The following MROH2A variants were observed in gnomAD, a reference collection of about 807,000 sequenced individuals.
MROH2A encodes maestro heat-like repeat-containing protein family member 2A.
Under a neutral mutation model 200.4 loss-of-function variants are expected in MROH2A, and 174 were observed. The ratio of observed to expected loss-of-function variants is 0.87; its 90% CI spans 0.77 to 0.98. The LOEUF (loss-of-function observed/expected upper bound fraction) is 0.98. MROH2A is among the 50% of genes least tolerant of loss of function. The pLI is 0.00. For missense variants in MROH2A, 2,045 were observed against 2,139.6 expected, an observed-to-expected ratio of 0.96 and a Z score of 0.87; for synonymous variants, 829 against 840.4, an observed-to-expected ratio of 0.99 and a Z score of 0.23.
At chr2:233,806,194 G>A (rs1291457001) in intron 19 of MROH2A, among the ~76,000 whole-genome samples, 1 of 151,988 alleles carries the variant, frequency 6.6e-6, no homozygotes, top group Non-Finnish European at 1.5e-5. Context: ...TAGAACCATG[G>A]AACAACTAGA....
intron 8 of MROH2A, among the ~76,000 whole-genome samples, chr2:233,795,077 A>G (rs1702018422): frequency 6.6e-6 from 1 of 152,166 alleles, no homozygotes; most frequent in Non-Finnish European, 1.5e-5. Context: ...TCACTTCGAA[A>G]TCCTGAACTA....
rs1703828717 is a variant in MROH2A at position 233,820,006 on chromosome 2, C to G, written c.3462C>G (p.His1154Gln). 6.5e-7 allele frequency: 1 copy of G among 1,545,806 alleles called. No homozygotes were observed. ...GCATCCTGCTGCTGGCGCACCACCA[C>G]CAGGAGACCATCCTCACATCGCTCC... is the stretch of plus-strand genomic sequence containing the variant. The part of the protein sequence containing the change: ...IDGILLLAHH[H>Q]QETILTSLLR... Residue 1154 changes from histidine (H) to glutamine (Q), a missense_variant, in exon 31 of 42, where the codon CAC (histidine) becomes CAG (glutamine). By Grantham distance (24) the His-to-Gln change is conservative. Transcript: ENST00000389758. The surrounding 1 kb of genome is among the most constrained non-coding windows in gnomAD (Gnocchi z 4.1).
rs1704008274 is a variant in MROH2A, at chr2:233,822,443, C to T, written c.3753C>T (p.Tyr1251=). ...KLPDFLPDLI[Y]TLLLQLGSSH... is the part of the protein sequence containing the mutation. ...CGGACTTCCTCCCTGACCTCATCTA[C>T]ACCCTCCTGCTGCAGCTTGGAAGCA... Residue 1251 remains tyrosine (Y), a synonymous_variant, in exon 33 of 42, where the codon TAC becomes TAT. Coordinates refer to ENST00000389758, the MANE Select transcript of MROH2A (RefSeq NM_001394639.1). The T allele has an allele frequency of 1.9e-6, 3 of 1,550,984 alleles. No individual in the cohort carries two copies. Among genetic ancestry groups the T allele is most frequent in the Non-Finnish European group, 2.6e-6 (3 of 1,147,122 alleles).
chr2:233,800,262 G>T lies in MROH2A; in HGVS notation c.1507G>T (p.Val503Phe), dbSNP rs1446335672. Residue 503 changes from valine (V) to phenylalanine (F), a missense_variant, in exon 14 of 42, where the codon GTC (valine) becomes TTC (phenylalanine). Coordinates refer to ENST00000389758, the MANE Select transcript of MROH2A (RefSeq NM_001394639.1). ...CTTGGAGGAGAGGATGGTCCACAAA[G>T]TCACCATGGACACTGTGAAGATCAT... ...RDLEERMVHK[V>F]TMDTVKIITS... 6.5e-7 allele frequency: 1 copy of T among 1,550,340 alleles called. No individual in the cohort carries two copies. Among genetic ancestry groups the T allele is most frequent in the South Asian group, 1.2e-5 (1 of 84,028 alleles).
chr2:233,777,360 C>G (rs866933436), upstream of MROH2A, among the ~76,000 whole-genome samples: 1 of 152,172 alleles, frequency 6.6e-6, no homozygotes. Flanking sequence ...ACCACATCAC[C>G]TCAGTGATCT....
rs1378569681 is a variant in MROH2A at position 233,833,305 on chromosome 2, A to G, written c.*46A>G. ...AAACTGTCTTCTTAGTGCCAAATGC[A>G]AGCCCTTTTTAATTTAGTTTGTAAG... On this transcript the variant is annotated 3_prime_UTR_variant, in exon 42 of 42. Coordinates refer to ENST00000389758, the MANE Select transcript of MROH2A (RefSeq NM_001394639.1). The G allele has an allele frequency of 6.8e-7, 1 of 1,463,134 alleles. No individual in the cohort carries two copies. The highest frequency in any genetic ancestry group is 9.0e-7 in the Non-Finnish European group (1 of 1,106,256). The allele number at this position is 1,463,134 out of a possible 1,614,324, so 90.6% of individuals were successfully genotyped here.
In MROH2A at chr2:233,798,802, C is replaced by T. The variant is rs749604399; in HGVS notation, c.1281C>T (p.Tyr427=). 2.6e-6 allele frequency: 4 copies of T among 1,550,498 alleles called. No individual in the cohort carries two copies. The highest frequency in any genetic ancestry group is 2.4e-5 in the South Asian group (2 of 84,048). Residue 427 remains tyrosine, a synonymous_variant, in exon 12 of 42, where the codon TAC becomes TAT. Transcript: ENST00000389758. ...DEPRMSIRAI[Y]LAIRVVKNTI... ...CCAGGATGAGTATCAGGGCCATCTA[C>T]CTGGCTATCCGGGTAGTCAAGAACA...
intron 5 of MROH2A, among the ~76,000 whole-genome samples, chr2:233,790,674 C>CCCTTCCTTCCTT (rs371940480): frequency 4.1e-4 from 5 of 12,312 alleles, no homozygotes; most frequent in African/African-American, 3.8e-3. Context: ...CTCCCTCCCT[C>CCCTTCCTTCCTT]CCTTCCTTCC....
intron 14 of MROH2A, among the ~76,000 whole-genome samples, chr2:233,800,655 GTGTC>G (rs892988684): frequency 6.7e-6 from 1 of 148,786 alleles, no homozygotes; most frequent in African/African-American, 2.6e-5. Context: ...GTGTGTGTGT[GTGTC>G]TGTGTGTAGA....
At chr2:233,804,232 A>G (rs1700298092) in intron 17 of MROH2A, 40 bp downstream of exon 17, 2 of 1,548,396 alleles carry the variant, frequency 1.3e-6, no homozygotes, top group African/African-American at 1.4e-5. Context: ...CAACCCTCCA[A>G]TCCGTGTATG....
At chr2:233,785,853 C>T (rs1262044316) in intron 3 of MROH2A, among the ~76,000 whole-genome samples, 1 of 152,024 alleles carries the variant, frequency 6.6e-6, no homozygotes, top group Non-Finnish European at 1.5e-5. Context: ...TAATGGAGTA[C>T]TATAGTATGG....
At position 233,787,639 on chromosome 2, in the gene MROH2A, TATATATATC is replaced by T. The variant is rs36048575; in HGVS notation, c.277-1850_277-1842del. On this transcript the variant is annotated intron_variant, in intron 3 of 41. Transcript: ENST00000389758. ...ATATATACATATATATTATATATAT[TATATATATC>T]ATATATACATATATATTATATATAT... 2.9e-3 allele frequency among the ~76,000 whole-genome samples: 124 copies of T among 42,872 alleles called. 6 individuals carry two copies. Among genetic ancestry groups the T allele is most frequent in the African/African-American group, 4.9e-3 (43 of 8,860 alleles). The allele number at this position is 42,872 out of a possible 152,430, so 28.1% of individuals were successfully genotyped here.
intron 21 of MROH2A, among the ~76,000 whole-genome samples, 160 bp downstream of exon 21, chr2:233,808,015 G>A (rs1428180142): frequency 6.6e-6 from 1 of 152,176 alleles, no homozygotes; most frequent in African/African-American, 2.4e-5. Context: ...GAGACCTCCT[G>A]GACAGAGCTT....
Position 233,804,061 on chromosome 2 carries a change from CA to C in MROH2A, c.1761del (p.Ser588HisfsTer10). On this transcript the variant is annotated frameshift_variant, in exon 17 of 42. Coordinates refer to ENST00000389758, the MANE Select transcript of MROH2A (RefSeq NM_001394639.1). LOFTEE classifies it high-confidence loss of function. ...KLLARLLVLMSSPYKGEGRGI... is the reference protein window; with the variant it reads ...KLLARLLVLMXSPYKGEGRGI... ...CTTGGTGCCCTCCAGGTGCTGATGT[CA>C]TCACCTTACAAGGGGGAGGGTCGTG... 6.4e-7 allele frequency: 1 copy of C among 1,550,550 alleles called. No individual in the cohort carries two copies. Among genetic ancestry groups the C allele is most frequent in the South Asian group, 1.2e-5 (1 of 84,064 alleles).
At chr2:233,787,819 A>AC (rs368046529) in intron 3 of MROH2A, among the ~76,000 whole-genome samples, 285 of 1,670 alleles carry the variant, frequency 0.17, 127 homozygotes, top group African/African-American at 0.61. Flanking sequence ...TATTATATAT[A>AC]ATATATATTA....
At chr2:233,823,180 A>G (rs1406249004) in intron 34 of MROH2A, among the ~76,000 whole-genome samples, 162 bp downstream of exon 34, 3 of 152,218 alleles carry the variant, frequency 2.0e-5, no homozygotes, top group African/African-American at 2.4e-5. Context: ...GTGGTGTGCA[A>G]GAGAATGAGA....
At chr2:233,815,303 C>G (rs537273429) in intron 26 of MROH2A, among the ~76,000 whole-genome samples, 29 of 152,190 alleles carry the variant, frequency 1.9e-4, no homozygotes, top group Non-Finnish European at 4.0e-4. Context: ...TTTACATATT[C>G]TGGATACAAC....
intron 40 of MROH2A, 24 bp from the exon 41 acceptor site, chr2:233,832,555 G>A: frequency 6.6e-7 from 1 of 1,512,468 alleles, no homozygotes; most frequent in East Asian, 2.5e-5. Flanking sequence ...CGCGTGATGA[G>A]CATTTCTTTG....
At chr2:233,825,892 G>A (rs74735619) in intron 35 of MROH2A, among the ~76,000 whole-genome samples, 3,489 of 147,926 alleles carry the variant, frequency 0.024, 54 homozygotes, top group South Asian at 0.055. Flanking sequence ...AGAAGAAATG[G>A]TATAAACACC....
Sources: allele counts gnomAD v4.1 joint callset (sites outside exome capture counted in the v4.1 genomes callset), GRCh38; gene constraint gnomAD v4.1.1; non-coding constraint Gnocchi (gnomAD v3.1); transcripts MANE v1.5; gene names NCBI Gene and HGNC (gene_info 2026-07-23, HGNC 2026-07-21).